The following TSHZ2 variants were observed in gnomAD, a reference collection of about 807,000 sequenced individuals.
TSHZ2 encodes teashirt zinc finger homeobox 2, also known as teashirt homolog 2.
TSHZ2 carries 21 observed loss-of-function variants against 74.4 expected under a neutral mutation model. That is an observed-to-expected ratio of 0.28 (90% CI 0.20 to 0.41). The LOEUF (loss-of-function observed/expected upper bound fraction) is 0.41. Ranked by LOEUF, TSHZ2 falls within the 10% of genes least tolerant of loss-of-function variation. The pLI, the probability that TSHZ2 is intolerant of heterozygous loss-of-function variation, is 1.00. For synonymous variants in TSHZ2, 540 were observed against 515.3 expected (o/e 1.05, Z -0.65); for missense variants, 1,244 against 1,293.5 (o/e 0.96, Z 0.59).
At chr20:53,328,067 G>A (rs999097102) in intron 2 of TSHZ2, among the ~76,000 whole-genome samples, 3 of 152,156 alleles carry the variant, frequency 2.0e-5, no homozygotes, top group Admixed American at 2.0e-4. Context: ...TAAAGCAGGG[G>A]GCTGGGATGT....
At chr20:53,206,112 A>G (rs1989162371) in intron 1 of TSHZ2, among the ~76,000 whole-genome samples, 1 of 152,114 alleles carries the variant, frequency 6.6e-6, no homozygotes, top group African/African-American at 2.4e-5. Context: ...CCAGCTACTC[A>G]GGAGGCTGAG....
intron 2 of TSHZ2, among the ~76,000 whole-genome samples, chr20:53,273,877 C>T (rs577492266): frequency 4.6e-5 from 7 of 152,280 alleles, no homozygotes; most frequent in Admixed American, 3.9e-4. Context: ...CCCGGGTGGG[C>T]TCTAGAGGAC....
intron 2 of TSHZ2, among the ~76,000 whole-genome samples, chr20:53,370,980 A>G (rs1337965332): frequency 1.3e-5 from 2 of 152,216 alleles, no homozygotes; most frequent in Non-Finnish European, 2.9e-5. Flanking sequence ...GCTAGGGATG[A>G]GCCCATCCTG....
At position 53,234,809 on chromosome 20, in the gene TSHZ2, C is replaced by T. The variant is rs567849591; in HGVS notation, c.41-18690C>T. Among the ~76,000 whole-genome samples, 3 of 152,228 alleles carry T rather than the reference C, an allele frequency of 2.0e-5. No individual in the cohort carries two copies. In the South Asian group the frequency reaches 6.2e-4, roughly 32 times the overall value. On this transcript the variant is annotated intron_variant, in intron 1 of 2. Transcript: ENST00000371497. ...CGTTGGAGACCAAGTGGAGAGCTAA[C>T]ATACATAGAAATCTGAGGGCCATGG...
At chr20:53,151,823 G>C (rs1373075558) in intron 1 of TSHZ2, among the ~76,000 whole-genome samples, 1 of 152,076 alleles carries the variant, frequency 6.6e-6, no homozygotes, top group Non-Finnish European at 1.5e-5. Context: ...TGATACATAT[G>C]GATACCATTG....
At chr20:53,031,209 G>T (rs1021719394) in intron 1 of TSHZ2, among the ~76,000 whole-genome samples, 18 of 152,280 alleles carry the variant, frequency 1.2e-4, no homozygotes, top group African/African-American at 4.3e-4. Flanking sequence ...TAAAGGGCTT[G>T]CTTAATGGGA....
chr20:53,000,122 C>G (rs1159167451), intron 1 of TSHZ2, among the ~76,000 whole-genome samples: 2 of 152,184 alleles, frequency 1.3e-5, no homozygotes, highest in African/African-American at 4.8e-5. Context: ...AAGTAAGTAT[C>G]AGATATATGT....
chr20:53,132,585 C>A (rs1987133251), intron 1 of TSHZ2, among the ~76,000 whole-genome samples: 1 of 152,082 alleles, frequency 6.6e-6, no homozygotes, highest in Non-Finnish European at 1.5e-5. Context: ...CAACCCTGCC[C>A]ATAATTTTTT....
At chr20:53,448,076 G>A (rs988312573) in intron 2 of TSHZ2, among the ~76,000 whole-genome samples, 14 of 151,892 alleles carry the variant, frequency 9.2e-5, no homozygotes, top group East Asian at 1.9e-4. Flanking sequence ...ACCATGCCCC[G>A]CTACTTTTTT....
chr20:53,111,542 T>C (rs13038661), intron 1 of TSHZ2, among the ~76,000 whole-genome samples: 1 of 152,104 alleles, frequency 6.6e-6, no homozygotes, highest in Non-Finnish European at 1.5e-5. Flanking sequence ...CCTCCCAGAA[T>C]GGAAAAGCAA....
At chr20:53,319,051 C>T (rs2145517625) in intron 2 of TSHZ2, among the ~76,000 whole-genome samples, 1 of 152,268 alleles carries the variant, frequency 6.6e-6, no homozygotes, top group Admixed American at 6.5e-5. Context: ...CAAGGCTCTC[C>T]CCCATGATTT....
At chr20:53,333,471 T>C (rs1214507970) in intron 2 of TSHZ2, among the ~76,000 whole-genome samples, 1 of 151,938 alleles carries the variant, frequency 6.6e-6, no homozygotes, top group African/African-American at 2.4e-5. Context: ...TTTTTTTTTT[T>C]TTTAGATGGA....
At chr20:53,012,859 C>G (rs1982904548) in intron 1 of TSHZ2, among the ~76,000 whole-genome samples, 1 of 152,136 alleles carries the variant, frequency 6.6e-6, no homozygotes, top group Non-Finnish European at 1.5e-5. Context: ...CTCCTTTCCA[C>G]AACAGTGGAT....
chr20:53,326,573 C>T (rs775005015), intron 2 of TSHZ2, among the ~76,000 whole-genome samples: 1 of 152,064 alleles, frequency 6.6e-6, no homozygotes, highest in African/African-American at 2.4e-5. Context: ...TCTAGAAAGC[C>T]CCCCCGGCAA....
At chr20:53,281,109 T>G (rs761005957) in intron 2 of TSHZ2, among the ~76,000 whole-genome samples, 1 of 152,248 alleles carries the variant, frequency 6.6e-6, no homozygotes, top group Non-Finnish European at 1.5e-5. Flanking sequence ...GTTGCTGTCA[T>G]GGAGCAAACA....
At chr20:53,299,349 ACTC>A (rs1991436362) in intron 2 of TSHZ2, among the ~76,000 whole-genome samples, 1 of 152,078 alleles carries the variant, frequency 6.6e-6, no homozygotes, top group Non-Finnish European at 1.5e-5. Flanking sequence ...AATTACAATG[ACTC>A]CTCAGCTCAC....
chr20:53,205,805 A>AGT (rs1426563277), intron 1 of TSHZ2, among the ~76,000 whole-genome samples: 6 of 152,232 alleles, frequency 3.9e-5, no homozygotes, highest in African/African-American at 1.4e-4. Flanking sequence ...CATGGTGATC[A>AGT]GTGCAGTGTG....
chr20:53,014,849 G>T (rs149157935), intron 1 of TSHZ2, among the ~76,000 whole-genome samples: 1 of 152,030 alleles, frequency 6.6e-6, no homozygotes, highest in Non-Finnish European at 1.5e-5. Flanking sequence ...ACAACGCTTC[G>T]TACAGAATGA....
chr20:53,280,836 G>T (rs1991046513), intron 2 of TSHZ2, among the ~76,000 whole-genome samples: 1 of 152,076 alleles, frequency 6.6e-6, no homozygotes, highest in Non-Finnish European at 1.5e-5. Context: ...GGGACTAGAG[G>T]TGCGTGCCAC....
Sources: gnomAD v4.1 joint callset for allele counts (sites outside exome capture counted in the v4.1 genomes callset) on GRCh38, gnomAD v4.1.1 for gene constraint, MANE v1.5 for transcripts, NCBI Gene and HGNC (gene_info 2026-07-23, HGNC 2026-07-21) for gene names.